SMARCA2: variants seen among roughly 807,000 people sequenced by gnomAD.
The protein encoded by SMARCA2 is SWI/SNF-related matrix-associated actin-dependent regulator of chromatin subfamily A member 2.
Under a neutral mutation model 199.8 loss-of-function variants are expected in SMARCA2, and 61 were observed. The observed-to-expected ratio is 0.31, with a 90% confidence interval of 0.25 to 0.38. The LOEUF (loss-of-function observed/expected upper bound fraction) is 0.38. Among genes scored for constraint, SMARCA2 ranks in the 10% least tolerant of loss-of-function variants. SMARCA2 has a pLI of 1.00. For synonymous variants in SMARCA2, 935 were observed against 732.0 expected, an observed-to-expected ratio of 1.28 and a Z score of -4.48; for missense variants, 1,344 against 2,012.2, an observed-to-expected ratio of 0.67 and a Z score of 6.35.
intron 9 of SMARCA2, among the ~76,000 whole-genome samples, chr9:2,067,536 A>T (rs536400808): frequency 1.3e-5 from 2 of 152,198 alleles, no homozygotes; most frequent in Non-Finnish European, 2.9e-5. Context: ...TACTTGTGAC[A>T]CTGGATTGTA....
chr9:2,108,653 T>C (rs921489141), intron 23 of SMARCA2, among the ~76,000 whole-genome samples: 1 of 152,208 alleles, frequency 6.6e-6, no homozygotes, highest in Non-Finnish European at 1.5e-5. Flanking sequence ...GAACCATTAA[T>C]ACATGTAATT....
intron 27 of SMARCA2, among the ~76,000 whole-genome samples, chr9:2,144,280 G>A (rs1824610037): frequency 6.6e-6 from 1 of 152,146 alleles, no homozygotes; most frequent in Non-Finnish European, 1.5e-5. Context: ...GAGGGAAACA[G>A]TTGTGTTTCT....
chr9:2,183,388 G>A (rs532007461), intron 31 of SMARCA2, among the ~76,000 whole-genome samples: 1 of 152,214 alleles, frequency 6.6e-6, no homozygotes, highest in Admixed American at 6.5e-5. Flanking sequence ...GTATATAAAT[G>A]AACTGAATTT....
intron 6 of SMARCA2, 44 bp downstream of exon 6, chr9:2,054,767 G>A (rs1314950818): frequency 6.2e-7 from 1 of 1,602,626 alleles, no homozygotes; most frequent in Non-Finnish European, 8.5e-7. Flanking sequence ...GGAAATAAAT[G>A]TAATTGTTCC....
intron 19 of SMARCA2, among the ~76,000 whole-genome samples, chr9:2,095,274 T>C (rs934689498): frequency 6.6e-6 from 1 of 151,978 alleles, no homozygotes; most frequent in Admixed American, 6.6e-5. Context: ...TTAGTAGAGC[T>C]GGGGTTTCAT....
chr9:2,073,744 T>C, intron 12 of SMARCA2, 121 bp downstream of exon 12: 1 of 715,528 alleles, frequency 1.4e-6, no homozygotes, highest in Non-Finnish European at 2.4e-6. Flanking sequence ...GATTGGCCTT[T>C]GGGTGACAGC....
In SMARCA2 at chr9:2,054,740, A is replaced by G. The variant is rs776359012; in HGVS notation, c.1173+17A>G. The G allele has an allele frequency of 6.2e-7, 1 of 1,613,386 alleles. No individual in the cohort carries two copies. Among genetic ancestry groups the G allele is most frequent in the South Asian group, 1.1e-5 (1 of 91,050 alleles). The stretch of plus-strand genomic sequence containing the variant: ...CAGCGTCAGGTAATACATTTTCCCC[A>G]GTGAATCTGAGATGTAGGAAATAAA... On this transcript the variant is annotated intron_variant, in intron 6 of 33. Coordinates refer to ENST00000349721, the MANE Select transcript of SMARCA2 (RefSeq NM_003070.5).
intron 9 of SMARCA2, among the ~76,000 whole-genome samples, chr9:2,063,270 A>G (rs1395718068): frequency 6.6e-6 from 1 of 152,192 alleles, no homozygotes; most frequent in Non-Finnish European, 1.5e-5. Flanking sequence ...CTTAGTTCAG[A>G]GCGAATTATC....
At chr9:2,177,971 T>A (rs182627991) in intron 29 of SMARCA2, among the ~76,000 whole-genome samples, 1 of 152,006 alleles carries the variant, frequency 6.6e-6, no homozygotes, top group East Asian at 1.9e-4. Context: ...CAGTTTAGAG[T>A]CATAGTATAG....
At chr9:2,124,050 G>A in intron 27 of SMARCA2, 113 bp downstream of exon 27, 2 of 784,446 alleles carry the variant, frequency 2.5e-6, no homozygotes, top group South Asian at 1.5e-5. Context: ...GCAATCAAAG[G>A]GAAGGGGCTC....
Position 2,192,932 on chromosome 9 carries a change from T to C in SMARCA2, c.*193T>C. On this transcript the variant is annotated 3_prime_UTR_variant, in exon 34 of 34. Transcript: ENST00000349721. ...AAACACACACATACACAAATATTTG[T>C]AACATATTGTGACCAAATGGGCCTC... The C allele has an allele frequency of 3.7e-6, 2 of 535,722 alleles. No individual in the cohort carries two copies. The highest frequency in any genetic ancestry group is 3.6e-5 in the Admixed American group (1 of 27,638). 33.2% of individuals were successfully genotyped at this position (535,722 alleles called of 1,614,324 possible).
At chr9:2,168,221 G>C (rs1316153241) in intron 28 of SMARCA2, among the ~76,000 whole-genome samples, 2 of 151,958 alleles carry the variant, frequency 1.3e-5, no homozygotes, top group East Asian at 1.9e-4. Context: ...ATGTTGGTCA[G>C]GCTGGTCTCG....
chr9:2,091,183 A>G (rs140628482), intron 19 of SMARCA2, among the ~76,000 whole-genome samples: 1,664 of 152,286 alleles, frequency 0.011, 13 homozygotes, highest in Middle Eastern at 0.037. Context: ...AACCATGCCC[A>G]CAACAAAAAT....
intron 28 of SMARCA2, among the ~76,000 whole-genome samples, chr9:2,165,342 T>G (rs1825883511): frequency 6.6e-6 from 1 of 152,234 alleles, no homozygotes; most frequent in Non-Finnish European, 1.5e-5. Context: ...GATATTTTCA[T>G]AAAGAACTAA....
In SMARCA2 at chr9:2,119,865, G is replaced by A. The variant is rs533710055; in HGVS notation, c.3762+330G>A. Among the ~76,000 whole-genome samples, 13 of 152,316 alleles carry A rather than the reference G, an allele frequency of 8.5e-5. No individual in the cohort carries two copies. Among genetic ancestry groups the A allele is most frequent in the African/African-American group, 2.9e-4 (12 of 41,558 alleles). On this transcript the variant is annotated intron_variant, in intron 26 of 33. Transcript: ENST00000349721. This position sits in a 1 kb window ranked among gnomAD's most constrained non-coding sequence, Gnocchi z 4.6. ...GGGCTGAGTAGCAGCTGCACTCTCT[G>A]GACAGGCCTCGCGGTCTACAGCTTA...
chr9:2,038,288 C>A (rs1819421550), intron 3 of SMARCA2, among the ~76,000 whole-genome samples: 1 of 152,138 alleles, frequency 6.6e-6, no homozygotes, highest in Non-Finnish European at 1.5e-5. Context: ...AATGTGGTAA[C>A]AGTATATATC....
intron 29 of SMARCA2, among the ~76,000 whole-genome samples, chr9:2,175,309 C>A (rs79860974): frequency 0.065 from 9,378 of 144,978 alleles, 351 homozygotes; most frequent in East Asian, 0.16. Flanking sequence ...TTGTCCCCGC[C>A]CCCCCCCAAC....
intron 14 of SMARCA2, 78 bp downstream of exon 14, chr9:2,077,854 T>G: frequency 7.5e-7 from 1 of 1,330,532 alleles, no homozygotes; most frequent in South Asian, 1.3e-5. Context: ...CGTGCACATG[T>G]TGACTAAGGG....
chr9:2,083,590 C>T (rs1821663194), intron 16 of SMARCA2, among the ~76,000 whole-genome samples, 177 bp downstream of exon 16: 1 of 152,202 alleles, frequency 6.6e-6, no homozygotes. Context: ...ACCATAATTA[C>T]TTTCAGATAG....
Sources: gnomAD v4.1 joint callset for allele counts (sites outside exome capture counted in the v4.1 genomes callset) on GRCh38, gnomAD v4.1.1 for gene constraint, Gnocchi (gnomAD v3.1) non-coding constraint, MANE v1.5 for transcripts, NCBI Gene and HGNC (gene_info 2026-07-23, HGNC 2026-07-21) for gene names.